Variants in CCDC33 observed in about 807,000 individuals in gnomAD.
CCDC33 encodes coiled-coil domain containing 33, also known as coiled-coil domain-containing protein 33.
A neutral mutation model predicts 91.9 loss-of-function variants in CCDC33; 94 were observed. The ratio of observed to expected loss-of-function variants is 1.02; its 90% confidence interval spans 0.87 to 1.21. CCDC33 has a LOEUF of 1.21. Among genes scored for constraint, CCDC33 ranks in the 50% most tolerant of loss-of-function variants. The pLI, the probability that CCDC33 is intolerant of heterozygous loss-of-function variation, is 0.00. For missense variants in CCDC33, 940 were observed against 935.5 expected (o/e 1.00, Z -0.06); for synonymous variants, 396 against 374.5 (o/e 1.06, Z -0.66).
At chr15:74,270,828 A>G (rs1368360853) in intron 5 of CCDC33, among the ~76,000 whole-genome samples, 1 of 151,928 alleles carries the variant, frequency 6.6e-6, no homozygotes, top group Non-Finnish European at 1.5e-5. Context: ...GACGCTGTCC[A>G]CTCCTGCTTT....
At chr15:74,222,709 G>T (rs921398754) in intron 2 of CCDC33, among the ~76,000 whole-genome samples, 1 of 151,826 alleles carries the variant, frequency 6.6e-6, no homozygotes, top group African/African-American at 2.4e-5. Context: ...AGGAGAAGTG[G>T]AGGGGAAAGG....
At position 74,208,389 on chromosome 15, in the gene CCDC33, C is replaced by T. The variant is rs351221; in HGVS notation, n.90-999C>T. 0.97 allele frequency among the ~76,000 whole-genome samples: 148,369 copies of T among 152,210 alleles called. 72,413 individuals carry two copies. Among genetic ancestry groups the T allele is most frequent in the East Asian group, 1 (5,168 of 5,168 alleles). ...CCCAGCACGTTCCTCCCTGGGCTGG[C>T]CACCGTGGTGTGGCCTTGAGATGTA... is the stretch of plus-strand genomic sequence containing the variant. On this transcript the variant is annotated intron_variant and non_coding_transcript_variant, in intron 1 of 3. Coordinates refer to the CCDC33 transcript ENST00000558645.
chr15:74,328,205 A>G (rs2142861255), intron 11 of CCDC33, among the ~76,000 whole-genome samples: 1 of 152,346 alleles, frequency 6.6e-6, no homozygotes, highest in South Asian at 2.1e-4. Context: ...CTGAAGATTT[A>G]GAGCACAGCA....
In CCDC33 at chr15:74,268,402, G is replaced by A. The variant is rs747302892; in HGVS notation, c.490G>A (p.Val164Ile). 139 of 1,588,642 alleles carry A rather than the reference G, an allele frequency of 8.7e-5. No individual in the cohort carries two copies. The highest frequency in any genetic ancestry group is 1.0e-4 in the Non-Finnish European group (122 of 1,167,248). Residue 164 changes from valine (V) to isoleucine (I), a missense_variant, in exon 5 of 19, where the codon GTT (valine) becomes ATT (isoleucine). Physicochemically the swap from Val to Ile is conservative, Grantham distance 29 (BLOSUM62 3). Transcript: ENST00000398814. ...TAKTQLYATV[V>I]RKSSFIPRYI... ...CAAGACCCAGTTGTACGCAACAGTC[G>A]TTCGGAAGAGCAGCTTCATACCCCG... is the stretch of plus-strand genomic sequence containing the variant.
intron 1 of CCDC33, among the ~76,000 whole-genome samples, chr15:74,243,030 C>T (rs1393662908): frequency 6.6e-6 from 1 of 152,242 alleles, no homozygotes; most frequent in Non-Finnish European, 1.5e-5. Context: ...GCTTTGTCTT[C>T]TCTCAGCAGC....
chr15:74,234,272 C>T (rs1566955903), upstream of CCDC33, among the ~76,000 whole-genome samples: 1 of 152,210 alleles, frequency 6.6e-6, no homozygotes, highest in African/African-American at 2.4e-5. Flanking sequence ...GGGGTGGGCA[C>T]AGTTATCTAT....
At chr15:74,290,224 C>G (rs1276621817) in intron 10 of CCDC33, among the ~76,000 whole-genome samples, 1 of 150,554 alleles carries the variant, frequency 6.6e-6, no homozygotes, top group Non-Finnish European at 1.5e-5. Flanking sequence ...GTTGCCCAGG[C>G]TGGAGCACAA....
intron 2 of CCDC33, among the ~76,000 whole-genome samples, chr15:74,260,489 T>C (rs948518539): frequency 1.3e-5 from 2 of 152,218 alleles, no homozygotes; most frequent in African/African-American, 4.8e-5. Context: ...ACACCCAAGC[T>C]GTTTTGTATC....
In CCDC33 at chr15:74,264,137, T is replaced by C. The variant is rs201405839; in HGVS notation, c.319+1564T>C. On this transcript the variant is annotated intron_variant, in intron 3 of 18. Coordinates refer to ENST00000398814, the MANE Select transcript of CCDC33 (RefSeq NM_025055.5). The stretch of plus-strand genomic sequence containing the variant: ...CAGGCAGGGAATATTGGCAGGCATC[T>C]CATTGCAGATTGAAGTAGCTGGATG... Among the ~76,000 whole-genome samples, 63 of 150,102 alleles carry C rather than the reference T, an allele frequency of 4.2e-4. 1 individual carries two copies. In the East Asian group the frequency reaches 0.013, roughly 30 times the overall value.
rs753469287 is a variant in CCDC33, at chr15:74,218,671, G to A, written c.485G>A (p.Arg162His). The A allele has an allele frequency of 1.2e-5, 15 of 1,289,830 alleles. No individual in the cohort carries two copies. The highest frequency in any genetic ancestry group is 1.4e-5 in the Non-Finnish European group (14 of 988,882). The allele number at this position is 1,289,830 out of a possible 1,614,324, so 79.9% of individuals were successfully genotyped here. ...GCTCAGGATCACGAGGACCTGTACC[G>A]CTACTGTGGCAACCTGGCTCTGCTC... Residue 162 changes from arginine (R) to histidine (H), a missense_variant, in exon 2 of 3, where the codon CGC becomes CAC. By Grantham distance (29) the Arg-to-His change is conservative. Coordinates refer to the CCDC33 transcript ENST00000635913. This position sits in a 1 kb window ranked among gnomAD's most constrained non-coding sequence, Gnocchi z 4.8.
intron 1 of CCDC33, chr15:74,207,858 A>G (rs1595870144): frequency 6.6e-7 from 1 of 1,526,270 alleles, no homozygotes; most frequent in East Asian, 2.5e-5. Flanking sequence ...GCACCAGACC[A>G]AGTCTGACTC....
chr15:74,283,919 CTT>C (rs751710522), intron 10 of CCDC33, among the ~76,000 whole-genome samples: 6 of 152,160 alleles, frequency 3.9e-5, no homozygotes, highest in South Asian at 4.1e-4. Flanking sequence ...GATGCACACT[CTT>C]AACACATATG....
chr15:74,250,525 G>T (rs1055131815), intron 2 of CCDC33, among the ~76,000 whole-genome samples: 1 of 152,082 alleles, frequency 6.6e-6, no homozygotes. Context: ...TGTCCTCACT[G>T]ATCTCCCAGA....
At chr15:74,299,432 T>C (rs967599635) in intron 11 of CCDC33, 1 of 152,316 alleles carries the variant, frequency 6.6e-6, no homozygotes, top group Non-Finnish European at 1.5e-5. Context: ...AAGACAGATG[T>C]TGGTAAATGC....
intron 5 of CCDC33, among the ~76,000 whole-genome samples, chr15:74,268,661 T>A (rs571760898): frequency 1.1e-4 from 16 of 152,348 alleles, no homozygotes; most frequent in Non-Finnish European, 1.6e-4. Flanking sequence ...ATGACAAGGA[T>A]GAAGATGCTC....
rs1221833946 is a variant in CCDC33 at position 74,268,437 on chromosome 15, C to T, written c.525C>T (p.Gly175=). Residue 175 remains glycine (G), a synonymous_variant, in exon 5 of 19, where the codon GGC becomes GGT. Coordinates refer to ENST00000398814, the MANE Select transcript of CCDC33 (RefSeq NM_025055.5). ...RKSSFIPRYI[G]CNHMALEIFL... is the part of the protein sequence containing the mutation. ...GCAGCTTCATACCCCGCTACATCGG[C>T]TGCAACCACATGGCTCTGGAGGTAC... The T allele has an allele frequency of 1.9e-6, 3 of 1,588,186 alleles. No homozygotes were observed. The highest frequency in any genetic ancestry group is 3.4e-5 in the Admixed American group (2 of 58,086).
intron 10 of CCDC33, among the ~76,000 whole-genome samples, chr15:74,294,885 C>G (rs777855894): frequency 6.6e-6 from 1 of 152,062 alleles, no homozygotes; most frequent in Non-Finnish European, 1.5e-5. Context: ...CATCCTTGGG[C>G]GGTGGGGGTG....
intron 7 of CCDC33, among the ~76,000 whole-genome samples, chr15:74,273,351 AATAG>A (rs2076371361): frequency 6.6e-6 from 1 of 152,238 alleles, no homozygotes; most frequent in African/African-American, 2.4e-5. Flanking sequence ...AAGTCCTGGA[AATAG>A]ATAGTGGTGA....
intron 2 of CCDC33, among the ~76,000 whole-genome samples, chr15:74,227,128 G>C (rs1316072616): frequency 2.6e-5 from 4 of 152,206 alleles, no homozygotes; most frequent in Admixed American, 6.5e-5. Flanking sequence ...GAGGTAGGCA[G>C]GGTAACCTTG....
Sources: allele counts gnomAD v4.1 joint callset (sites outside exome capture counted in the v4.1 genomes callset), GRCh38; gene constraint gnomAD v4.1.1; non-coding constraint Gnocchi (gnomAD v3.1); transcripts MANE v1.5; gene names NCBI Gene and HGNC (gene_info 2026-07-23, HGNC 2026-07-21).